PWWP2A: variants seen among roughly 807,000 people sequenced by gnomAD.
The protein encoded by PWWP2A is PWWP domain containing 2A.
Under a neutral mutation model 48.5 loss-of-function variants are expected in PWWP2A, and 18 were observed. The ratio of observed to expected loss-of-function variants is 0.37; its 90% CI spans 0.26 to 0.55. The LOEUF (loss-of-function observed/expected upper bound fraction) is 0.55, where lower values mean the gene tolerates loss of function less well. Among genes scored for constraint, PWWP2A ranks in the 20% least tolerant of loss-of-function variants. The pLI is 0.81. For missense variants in PWWP2A, 867 were observed against 976.4 expected (o/e 0.89, Z 1.49); for synonymous variants, 396 against 387.7 (o/e 1.02, Z -0.25).
intron 1 of PWWP2A, among the ~76,000 whole-genome samples, chr5:160,114,813 G>A (rs1465617052): frequency 1.3e-5 from 2 of 149,630 alleles, no homozygotes; most frequent in African/African-American, 2.5e-5. Context: ...TGAGCAACAT[G>A]GTAAGACCCC....
chr5:160,102,433 A>G (rs1001622626), intron 1 of PWWP2A, among the ~76,000 whole-genome samples: 9 of 150,530 alleles, frequency 6.0e-5, no homozygotes, highest in African/African-American at 2.0e-4. Context: ...GCAGCCAGGC[A>G]TGGTGGCTCA....
chr5:160,082,410 C>G (rs1383017985), intron 2 of PWWP2A, among the ~76,000 whole-genome samples: 2 of 150,162 alleles, frequency 1.3e-5, no homozygotes, highest in Non-Finnish European at 3.0e-5. Context: ...CGCCACTGCA[C>G]TCCAGCCTGG....
chr5:160,098,158 A>G (rs1358116808), intron 1 of PWWP2A, among the ~76,000 whole-genome samples: 1 of 152,234 alleles, frequency 6.6e-6, no homozygotes, highest in Non-Finnish European at 1.5e-5. Context: ...AAGAATGTTA[A>G]TATTTCGCAA....
At chr5:160,052,075 T>C in the PWWP2A span, among the ~76,000 whole-genome samples, 1 of 152,220 alleles carries the variant, frequency 6.6e-6, no homozygotes, top group Non-Finnish European at 1.5e-5. Flanking sequence ...TAACCTAGAC[T>C]ATCCAGAGAC....
chr5:160,092,962 T>C lies in PWWP2A; in HGVS notation c.1688A>G (p.Asn563Ser), dbSNP rs1173499236. ...QTLGKKGSKNNISVYMTLNQK... is the reference protein window; with the variant it reads ...QTLGKKGSKNSISVYMTLNQK... ...ATTTAGGGTCATATAAACAGAGATA[T>C]TGTTTTTGCTGCCCTTTTTGCCCAA... Residue 563 changes from asparagine to serine, a missense_variant, in exon 2 of 2, where the codon AAT becomes AGT. By Grantham distance (46) the Asn-to-Ser change is conservative. This residue lies in a region of PWWP2A where 382 missense variants were observed against 407.2 expected (regional missense o/e 0.94). Coordinates refer to ENST00000307063, the MANE Select transcript of PWWP2A (RefSeq NM_001130864.2). 2.8e-5 allele frequency: 43 copies of C among 1,552,974 alleles called. No homozygotes were observed. Among genetic ancestry groups the C allele is most frequent in the African/African-American group, 8.2e-5 (6 of 73,160 alleles).
At chr5:160,058,462 G>T (rs1210690063), downstream of PWWP2A, among the ~76,000 whole-genome samples, 9 of 148,780 alleles carry the variant, frequency 6.0e-5, no homozygotes, top group Non-Finnish European at 1.3e-4. Context: ...CCAGGCTGGA[G>T]TGCAGTGGTG....
the PWWP2A span, among the ~76,000 whole-genome samples, chr5:160,054,668 A>C: frequency 6.6e-6 from 1 of 152,134 alleles, no homozygotes; most frequent in Non-Finnish European, 1.5e-5. Flanking sequence ...AAAAAAAAAA[A>C]GTAGCGTTTT....
At chr5:160,116,275 T>C (rs968910403) in intron 1 of PWWP2A, among the ~76,000 whole-genome samples, 1 of 152,114 alleles carries the variant, frequency 6.6e-6, no homozygotes, top group Non-Finnish European at 1.5e-5. Flanking sequence ...CAGGATCCTC[T>C]GGAACTCCTG....
chr5:160,075,914 G>A (rs1349797859), exon 4 of PWWP2A: 1 of 150,872 alleles, frequency 6.6e-6, no homozygotes, highest in Admixed American at 6.6e-5. Context: ...ATTGGATAAA[G>A]GTTACACAAC....
At chr5:160,105,239 C>CAAAAAAAAAAAAAAAAAAAAAAAAAAAAA in intron 1 of PWWP2A, among the ~76,000 whole-genome samples, 1 of 48,946 alleles carries the variant, frequency 2.0e-5, no homozygotes, top group Non-Finnish European at 3.5e-5. Context: ...GTCTCTAAGG[C>CAAAAAAAAAAAAAAAAAAAAAAAAAAAAA]AAAAAAAAAA....
intron 1 of PWWP2A, among the ~76,000 whole-genome samples, chr5:160,103,202 CTA>C (rs1409198656): frequency 6.6e-6 from 1 of 152,128 alleles, no homozygotes; most frequent in East Asian, 1.9e-4. Context: ...GAATTCTCTG[CTA>C]TGTTTCAAAC....
intron 1 of PWWP2A, among the ~76,000 whole-genome samples, chr5:160,094,767 G>A (rs1371828485): frequency 6.6e-6 from 1 of 151,964 alleles, no homozygotes; most frequent in Non-Finnish European, 1.5e-5. Context: ...TTAGGAATGG[G>A]CCGGGTGCAG....
Position 160,092,261 on chromosome 5 carries a change from C to A in PWWP2A, c.*121G>T. 1 of 1,422,508 alleles carries A rather than the reference C, an allele frequency of 7.0e-7. No homozygotes were observed. 88.1% of individuals were successfully genotyped at this position (1,422,508 alleles called of 1,614,324 possible). Reference sequence around the variant, plus strand: ...GGCTATAAGGTAAGTATTAAAAAGCCAGCCAACTGAGTGCAACTTCTCTCT... The same window carrying A: ...GGCTATAAGGTAAGTATTAAAAAGCAAGCCAACTGAGTGCAACTTCTCTCT... On this transcript the variant is annotated 3_prime_UTR_variant, in exon 2 of 2. Transcript: ENST00000307063.
the PWWP2A span, chr5:160,051,262 C>A: frequency 2.5e-6 from 3 of 1,181,050 alleles, no homozygotes; most frequent in Admixed American, 2.1e-5. Flanking sequence ...TAGAGGAGAA[C>A]ACATGAGTTA....
chr5:160,053,704 A>G, the PWWP2A span, among the ~76,000 whole-genome samples: 1 of 152,326 alleles, frequency 6.6e-6, no homozygotes, highest in African/African-American at 2.4e-5. Flanking sequence ...TCTGTGAAGA[A>G]TGTCATTGGT....
intron 1 of PWWP2A, among the ~76,000 whole-genome samples, chr5:160,107,293 T>C (rs1028950219): frequency 4.6e-5 from 7 of 152,238 alleles, no homozygotes; most frequent in Non-Finnish European, 1.0e-4. Flanking sequence ...CAGAAATCTA[T>C]GCACATTTCT....
chr5:160,102,928 A>G (rs1383458517), intron 1 of PWWP2A, among the ~76,000 whole-genome samples: 1 of 152,254 alleles, frequency 6.6e-6, no homozygotes, highest in African/African-American at 2.4e-5. Flanking sequence ...ACATTGAAGG[A>G]AATTTTTATC....
downstream of PWWP2A, chr5:160,090,464 CTG>C (rs1312428242): frequency 7.1e-6 from 7 of 982,126 alleles, no homozygotes; most frequent in African/African-American, 1.7e-5. Flanking sequence ...CTCAACCACA[CTG>C]TGAATTTCAA....
At chr5:160,079,093 G>C (rs779506019) in intron 3 of PWWP2A, among the ~76,000 whole-genome samples, 6 of 151,994 alleles carry the variant, frequency 3.9e-5, no homozygotes, top group Non-Finnish European at 7.4e-5. Flanking sequence ...TGGAAAGAAA[G>C]ATGAATTTTT....
Sources: allele counts gnomAD v4.1 joint callset (sites outside exome capture counted in the v4.1 genomes callset), GRCh38; gene constraint gnomAD v4.1.1; regional missense constraint gnomAD v4.1.1; transcripts MANE v1.5; gene names NCBI Gene and HGNC (gene_info 2026-07-23, HGNC 2026-07-21).